Variants in SCUBE2 observed in about 807,000 individuals in gnomAD.
SCUBE2 encodes signal peptide, CUB domain and EGF like domain containing 2, also known as signal peptide, CUB and EGF-like domain-containing protein 2.
A neutral mutation model predicts 125.9 loss-of-function variants in SCUBE2; 114 were observed. That is an observed-to-expected ratio of 0.91 (90% confidence interval 0.78 to 1.06). The LOEUF is 1.06. Ranked by LOEUF, SCUBE2 falls within the 50% of genes least tolerant of loss-of-function variation. The pLI is 0.00. For synonymous variants in SCUBE2, 459 were observed against 492.9 expected (o/e 0.93, Z 0.91); for missense variants, 1,255 against 1,301.8 (o/e 0.96, Z 0.55).
intron 16 of SCUBE2, among the ~76,000 whole-genome samples, chr11:9,043,627 T>C (rs1857434589): frequency 6.6e-6 from 1 of 152,172 alleles, no homozygotes; most frequent in South Asian, 2.1e-4. Context: ...GATTATTTTC[T>C]CTGGTGTAAA....
At chr11:9,048,531 C>T (rs1369776487) in intron 14 of SCUBE2, among the ~76,000 whole-genome samples, 2 of 152,238 alleles carry the variant, frequency 1.3e-5, no homozygotes, top group East Asian at 3.8e-4. Flanking sequence ...AAACCAACTA[C>T]TGCTTTCAGG....
rs765365843 is a variant in SCUBE2, at chr11:9,047,503, G to A, written c.1855C>T (p.Arg619Cys). The change falls in exon 16 of 23, where the codon CGC (arginine) becomes TGC (cysteine). Residue 619 changes from arginine (R) to cysteine (C), a missense_variant. Coordinates refer to ENST00000649792, the MANE Select transcript of SCUBE2 (RefSeq NM_001367977.2). ...CTGTGGACGGCCTTTCTGAGCGTGC[G>A]GATGGCTTTACGGAGCCGCTTCTCG... The part of the protein sequence containing the change: ...RTEKRLRKAI[R>C]TLRKAVHREQ... 1.2e-5 allele frequency: 19 copies of A among 1,613,880 alleles called. No individual in the cohort carries two copies. The South Asian group carries it at 1.4e-4, about 12-fold the overall frequency.
At chr11:9,090,441 A>G (rs1862547655) in intron 1 of SCUBE2, 1 of 152,406 alleles carries the variant, frequency 6.6e-6, no homozygotes, top group Non-Finnish European at 1.5e-5. Context: ...ATGCAAATTC[A>G]TAAACTTTCT....
intron 16 of SCUBE2, among the ~76,000 whole-genome samples, chr11:9,035,687 CTT>C (rs1386355514): frequency 6.6e-6 from 1 of 151,878 alleles, no homozygotes; most frequent in Non-Finnish European, 1.5e-5. Context: ...ATAAAAATGT[CTT>C]TTCATTATTC....
chr11:9,029,778 G>A, intron 19 of SCUBE2, 106 bp downstream of exon 19: 2 of 1,247,568 alleles, frequency 1.6e-6, no homozygotes, highest in Admixed American at 1.8e-5. Flanking sequence ...CATCTACATG[G>A]TTCTGAGTGA....
At position 9,025,483 on chromosome 11, in the gene SCUBE2, G is replaced by A. The variant is rs1240270632; in HGVS notation, c.2854+219C>T. On this transcript the variant is annotated intron_variant, in intron 21 of 22. Transcript: ENST00000649792. ...CCCATGTTCTTACTCACCAAGCTAT[G>A]CTCACTTTTAATATATTTTATAAAA... 13 of 480,766 alleles carry A rather than the reference G, an allele frequency of 2.7e-5. No homozygotes were observed. In the East Asian group the frequency reaches 4.4e-4, roughly 16 times the overall value. 29.8% of individuals were successfully genotyped at this position (480,766 alleles called of 1,614,324 possible).
At position 9,051,624 on chromosome 11, in the gene SCUBE2, T is replaced by TA. The variant is rs529910595; in HGVS notation, c.1535-915dup. On this transcript the variant is annotated intron_variant, in intron 13 of 22. Transcript: ENST00000649792. Reference sequence around the variant, plus strand: ...TGGAGTCAATGCCCTACAGCTCTTTTAAGTTGTGGTGAGAACTTGAGCAAG... The same window carrying TA: ...TGGAGTCAATGCCCTACAGCTCTTTTAAAGTTGTGGTGAGAACTTGAGCAAG... Among the ~76,000 whole-genome samples, 21 of 152,352 alleles carry TA rather than the reference T, an allele frequency of 1.4e-4. No individual in the cohort carries two copies. In the South Asian group the frequency reaches 3.9e-3, roughly 29 times the overall value.
intron 14 of SCUBE2, among the ~76,000 whole-genome samples, chr11:9,048,525 C>G (rs998578506): frequency 6.6e-5 from 10 of 152,208 alleles, no homozygotes; most frequent in African/African-American, 2.4e-4. Context: ...GAAAGGAAAC[C>G]AACTACTGCT....
chr11:9,053,293 C>T (rs1202367576), intron 11 of SCUBE2, 78 bp from the exon 12 acceptor site: 10 of 1,156,528 alleles, frequency 8.6e-6, no homozygotes, highest in Non-Finnish European at 1.3e-5. Flanking sequence ...GTCCCATGCA[C>T]CAAAGGCCCC....
rs116660310 is a variant in SCUBE2 at position 9,041,092 on chromosome 11, G to C, written c.2002+6264C>G. ...ACCACCACTATCAATAATGAACTTC[G>C]CCCAATTGTAAAGATTCTACCTTAA... is the stretch of plus-strand genomic sequence containing the variant. On this transcript the variant is annotated intron_variant, in intron 16 of 22. Transcript: ENST00000649792. 7.2e-3 allele frequency among the ~76,000 whole-genome samples: 1,090 copies of C among 152,228 alleles called. 15 individuals carry two copies. Among genetic ancestry groups the C allele is most frequent in the African/African-American group, 0.025 (1,018 of 41,524 alleles).
chr11:9,080,851 C>T (rs1276370733), intron 2 of SCUBE2, among the ~76,000 whole-genome samples: 1 of 151,716 alleles, frequency 6.6e-6, no homozygotes. Flanking sequence ...ATTTGCAAAT[C>T]ACACACCTTA....
At chr11:9,063,352 CA>C (rs1266943381) in intron 7 of SCUBE2, among the ~76,000 whole-genome samples, 1 of 152,082 alleles carries the variant, frequency 6.6e-6, no homozygotes, top group South Asian at 2.1e-4. Context: ...AATAGGTGGG[CA>C]AAATCCCACA....
intron 3 of SCUBE2, among the ~76,000 whole-genome samples, chr11:9,076,219 C>T (rs1293948040): frequency 6.6e-6 from 1 of 152,004 alleles, no homozygotes; most frequent in Non-Finnish European, 1.5e-5. Flanking sequence ...CTGCCAGGGG[C>T]AGGGAGGAGG....
intron 4 of SCUBE2, among the ~76,000 whole-genome samples, chr11:9,070,260 A>G (rs1192052585): frequency 6.6e-6 from 1 of 152,160 alleles, no homozygotes; most frequent in Non-Finnish European, 1.5e-5. Flanking sequence ...TTAACCTTGT[A>G]GTATGATGGT....
chr11:9,075,652 T>C (rs575974903), intron 3 of SCUBE2, among the ~76,000 whole-genome samples: 52 of 152,298 alleles, frequency 3.4e-4, no homozygotes, highest in Non-Finnish European at 6.9e-4. Flanking sequence ...AGTCTGGCCC[T>C]TCACTTTGAG....
chr11:9,036,387 G>C (rs576651770), intron 16 of SCUBE2, among the ~76,000 whole-genome samples: 1 of 152,156 alleles, frequency 6.6e-6, no homozygotes, highest in African/African-American at 2.4e-5. Context: ...TCTGTATTAC[G>C]AACTCACGTT....
chr11:9,053,167 T>C lies in SCUBE2; in HGVS notation c.1379A>G (p.His460Arg), dbSNP rs1256950369. 6.2e-7 allele frequency: 1 copy of C among 1,614,246 alleles called. No individual in the cohort carries two copies. The highest frequency in any genetic ancestry group is 1.7e-5 in the Admixed American group (1 of 60,032). ...PTSVSPRVSL[H>R]CGKSGGGDGC... ...GTCTCCTCCACCACTCTTACCGCAG[T>C]GCAGGGACACACGGGGTGACACACT... Residue 460 changes from histidine to arginine, a missense_variant, in exon 12 of 23, where the codon CAC becomes CGC. Transcript: ENST00000649792.
rs373064208 is a variant in SCUBE2, at chr11:9,021,858, C to T, written c.2934+18G>A. On this transcript the variant is annotated intron_variant, in intron 22 of 22. Transcript: ENST00000649792. ...GCTCTGTGGATAACTGCCATGTCCA[C>T]CTGAGCCAGGCACTCACCTTAAGTA... 8.1e-6 allele frequency: 13 copies of T among 1,595,980 alleles called. No homozygotes were observed. The highest frequency in any genetic ancestry group is 1.1e-5 in the Non-Finnish European group (13 of 1,164,204).
At position 9,066,701 on chromosome 11, in the gene SCUBE2, G is replaced by A. The variant is rs1467195810; in HGVS notation, c.756C>T (p.Cys252=). The change falls in exon 6 of 23, where the codon TGC becomes TGT. Residue 252 remains cysteine (C), a synonymous_variant. Coordinates refer to ENST00000649792, the MANE Select transcript of SCUBE2 (RefSeq NM_001367977.2). ...QYKMHTDGRS[C]LEREDTVLEV... ...AGTGTTGGGGTTGCCACTCACCAAG[G>A]CAGCTCCTCCCATCTGTGTGCATCT... The A allele has an allele frequency of 1.9e-6, 3 of 1,613,636 alleles. No individual in the cohort carries two copies. The African/African-American group carries it at 4.0e-5, about 22-fold the overall frequency.
Sources: allele counts gnomAD v4.1 joint callset (sites outside exome capture counted in the v4.1 genomes callset), GRCh38; gene constraint gnomAD v4.1.1; transcripts MANE v1.5; gene names NCBI Gene and HGNC (gene_info 2026-07-23, HGNC 2026-07-21).